The following PSKH1 variants were observed in gnomAD, a reference collection of about 807,000 sequenced individuals.
PSKH1 encodes the protein protein serine kinase H1, also known as serine/threonine-protein kinase H1.
In PSKH1, 12 loss-of-function variants were observed where a neutral mutation model predicts 26.7. The observed-to-expected ratio is 0.45, with a 90% CI of 0.29 to 0.73. PSKH1 has a LOEUF of 0.73. Ranked by LOEUF, PSKH1 falls within the 30% of genes least tolerant of loss-of-function variation. The pLI, the probability that PSKH1 is intolerant of heterozygous loss-of-function variation, is 0.11. For missense variants in PSKH1, 431 were observed against 595.2 expected, an observed-to-expected ratio of 0.72 and a Z score of 2.87; for synonymous variants, 213 against 234.3, an observed-to-expected ratio of 0.91 and a Z score of 0.83.
rs200800579 is a variant in PSKH1, at chr16:67,909,253, G to A, written c.504G>A (p.Val168=). The A allele has an allele frequency of 1.4e-4, 219 of 1,614,000 alleles. No homozygotes were observed. The highest frequency in any genetic ancestry group is 1.8e-4 in the Non-Finnish European group (213 of 1,180,014). ...AGGTGTTCGAGACACAGGAGCGGGT[G>A]TACATGGTGATGGAGCTGGCCACTG... is the stretch of plus-strand genomic sequence containing the variant. ...LVEVFETQER[V]YMVMELATGG... is the part of the protein sequence containing the mutation. Residue 168 remains valine, a synonymous_variant, in exon 2 of 3, where the codon GTG becomes GTA. Transcript: ENST00000291041. The surrounding 1 kb of genome is among the most constrained non-coding windows in gnomAD (Gnocchi z 7.8).
At chr16:67,907,181 T>G (rs2058158515) in intron 1 of PSKH1, among the ~76,000 whole-genome samples, 1 of 151,632 alleles carries the variant, frequency 6.6e-6, no homozygotes, top group South Asian at 2.1e-4. Context: ...GCCAGGATAG[T>G]CTCGATCTCC....
intron 1 of PSKH1, among the ~76,000 whole-genome samples, chr16:67,901,615 G>A (rs7197031): frequency 0.033 from 4,894 of 146,486 alleles, 249 homozygotes; most frequent in African/African-American, 0.11. Context: ...TTACAGGCGT[G>A]AGCCACCATG....
chr16:67,922,339 G>GT (rs1414867118), intron 2 of PSKH1, among the ~76,000 whole-genome samples: 1 of 152,164 alleles, frequency 6.6e-6, no homozygotes. Context: ...TCAGGCCCAC[G>GT]TAAGTACAGA....
chr16:67,894,843 G>A (rs996450949), intron 1 of PSKH1, among the ~76,000 whole-genome samples: 2 of 151,876 alleles, frequency 1.3e-5, no homozygotes, highest in African/African-American at 4.8e-5. Flanking sequence ...AGGTAGTACA[G>A]CCTCTTAATC....
At chr16:67,911,919 A>G (rs2058174468) in intron 2 of PSKH1, among the ~76,000 whole-genome samples, 1 of 152,234 alleles carries the variant, frequency 6.6e-6, no homozygotes, top group African/African-American at 2.4e-5. Flanking sequence ...ACTCTGTCAC[A>G]GGCACAAGGG....
chr16:67,898,701 G>A (rs1567396747), intron 1 of PSKH1, among the ~76,000 whole-genome samples: 1 of 149,120 alleles, frequency 6.7e-6, no homozygotes, highest in African/African-American at 2.5e-5. Context: ...TCAGCTCACT[G>A]CAACCTCTGC....
intron 2 of PSKH1, among the ~76,000 whole-genome samples, chr16:67,913,736 C>G (rs2058179485): frequency 6.6e-6 from 1 of 152,174 alleles, no homozygotes; most frequent in South Asian, 2.1e-4. Context: ...CATACACATC[C>G]CCTGGAATCT....
chr16:67,927,823 G>GT lies in PSKH1; in HGVS notation c.*182dup. The GT allele has an allele frequency of 1.4e-6, 1 of 726,342 alleles. No homozygotes were observed. The highest frequency in any genetic ancestry group is 2.2e-6 in the Non-Finnish European group (1 of 453,644). 45.0% of individuals were successfully genotyped at this position (726,342 alleles called of 1,614,324 possible). On this transcript the variant is annotated 3_prime_UTR_variant, in exon 3 of 3. Transcript: ENST00000291041. The surrounding 1 kb of genome is among the most constrained non-coding windows in gnomAD (Gnocchi z 5.5). ...TGTCCTCACCATGGGCCTGGGCCAG[G>GT]TGTGACAGAGTAGAGGTAGCACAGG...
chr16:67,901,400 C>T (rs1408401221), intron 1 of PSKH1, among the ~76,000 whole-genome samples: 2 of 152,118 alleles, frequency 1.3e-5, no homozygotes, highest in Non-Finnish European at 2.9e-5. Context: ...GGCGCGATCT[C>T]AGCTCACTGC....
intron 2 of PSKH1, among the ~76,000 whole-genome samples, chr16:67,923,370 T>C (rs2058208043): frequency 6.6e-6 from 1 of 152,156 alleles, no homozygotes. Context: ...GCAGAGGTGA[T>C]GCCCTCCTCC....
At chr16:67,926,362 C>T (rs762070034) in intron 2 of PSKH1, among the ~76,000 whole-genome samples, 4 of 152,354 alleles carry the variant, frequency 2.6e-5, no homozygotes, top group Non-Finnish European at 5.9e-5. Context: ...GCACCAGGCA[C>T]GGGCTCATCC....
chr16:67,905,627 A>G (rs531096445), intron 1 of PSKH1, among the ~76,000 whole-genome samples: 3 of 152,186 alleles, frequency 2.0e-5, no homozygotes, highest in Non-Finnish European at 4.4e-5. Context: ...TAGGTGGCCA[A>G]AGCTGGCGGA....
chr16:67,919,867 A>G lies in PSKH1; in HGVS notation c.958-7458A>G, dbSNP rs1379286106. Among the ~76,000 whole-genome samples, 3 of 152,180 alleles carry G rather than the reference A, an allele frequency of 2.0e-5. No homozygotes were observed. The East Asian group carries it at 5.8e-4, about 29-fold the overall frequency. ...TGGGCTCCCCAGAGCCCTGTCCTCT[A>G]GGTTTCCCTTTGTCACTGCTGCCCT... On this transcript the variant is annotated intron_variant, in intron 2 of 2. Coordinates refer to ENST00000291041, the MANE Select transcript of PSKH1 (RefSeq NM_006742.3).
intron 1 of PSKH1, among the ~76,000 whole-genome samples, chr16:67,907,056 C>T (rs554272096): frequency 1.1e-4 from 17 of 152,036 alleles, no homozygotes; most frequent in African/African-American, 3.6e-4. Flanking sequence ...CTCCGCCTCC[C>T]GGGTTCACGC....
intron 2 of PSKH1, among the ~76,000 whole-genome samples, chr16:67,922,628 A>G (rs995643054): frequency 6.6e-6 from 1 of 152,236 alleles, no homozygotes; most frequent in African/African-American, 2.4e-5. Context: ...AAAGGAATCC[A>G]GGAGTTTATA....
chr16:67,927,747 T>A lies in PSKH1; in HGVS notation c.*105T>A. ...GGAGATAGGCCTATGTGGCCCACAG[T>A]AGGTGAAGAATGTCTGGCTCCAGCC... is the stretch of plus-strand genomic sequence containing the variant. On this transcript the variant is annotated 3_prime_UTR_variant, in exon 3 of 3. Transcript: ENST00000291041. This position sits in a 1 kb window ranked among gnomAD's most constrained non-coding sequence, Gnocchi z 5.5. The A allele has an allele frequency of 1.5e-6, 2 of 1,294,210 alleles. No homozygotes were observed. Among genetic ancestry groups the A allele is most frequent in the Non-Finnish European group, 2.1e-6 (2 of 956,686 alleles). 80.2% of individuals were successfully genotyped at this position (1,294,210 alleles called of 1,614,324 possible).
chr16:67,902,600 C>A (rs28373001), intron 1 of PSKH1, among the ~76,000 whole-genome samples: 4,939 of 152,204 alleles, frequency 0.032, 256 homozygotes, highest in African/African-American at 0.1. Context: ...CCAGCCAGGC[C>A]TTTTCTTTTA....
chr16:67,924,544 G>T (rs940165996), intron 2 of PSKH1, among the ~76,000 whole-genome samples: 5 of 152,256 alleles, frequency 3.3e-5, no homozygotes, highest in African/African-American at 1.2e-4. Flanking sequence ...GGGTGTGGAT[G>T]TGAAGTGGTG....
At chr16:67,893,762 C>A (rs1003700887) in intron 1 of PSKH1, among the ~76,000 whole-genome samples, 6 of 152,236 alleles carry the variant, frequency 3.9e-5, no homozygotes, top group African/African-American at 7.2e-5. Context: ...CCCTCCTTTG[C>A]GTCTGCCAGG....
Sources: allele counts gnomAD v4.1 joint callset (sites outside exome capture counted in the v4.1 genomes callset), GRCh38; gene constraint gnomAD v4.1.1; non-coding constraint Gnocchi (gnomAD v3.1); transcripts MANE v1.5; gene names NCBI Gene and HGNC (gene_info 2026-07-23, HGNC 2026-07-21).